Variants in MAST4 observed in about 807,000 individuals in gnomAD.
MAST4 encodes microtubule associated serine/threonine kinase family member 4.
A neutral mutation model predicts 162.7 loss-of-function variants in MAST4; 89 were observed. That is an observed-to-expected ratio of 0.55 (90% CI 0.46 to 0.65). The LOEUF (loss-of-function observed/expected upper bound fraction) is 0.65. MAST4 is among the 30% of genes least tolerant of loss of function. The pLI is 0.00. For missense variants in MAST4, 3,153 were observed against 3,374.0 expected, an observed-to-expected ratio of 0.93 and a Z score of 1.62; for synonymous variants, 1,479 against 1,361.1, an observed-to-expected ratio of 1.09 and a Z score of -1.91.
chr5:67,078,886 T>TTTA (rs1561621642), intron 5 of MAST4, among the ~76,000 whole-genome samples: 7 of 76,426 alleles, frequency 9.2e-5, no homozygotes, highest in African/African-American at 4.0e-4. Flanking sequence ...ATAAATATAT[T>TTTA]TATATATTTA....
intron 14 of MAST4, among the ~76,000 whole-genome samples, chr5:67,123,903 C>T (rs1012971286): frequency 6.6e-6 from 1 of 151,902 alleles, no homozygotes; most frequent in Non-Finnish European, 1.5e-5. Context: ...GCCCTGTCTC[C>T]CACATGCTAT....
intron 12 of MAST4, 79 bp downstream of exon 12, chr5:67,114,298 T>G (rs1310965913): frequency 6.7e-7 from 1 of 1,496,158 alleles, no homozygotes; most frequent in Non-Finnish European, 9.0e-7. Flanking sequence ...TGGCAAGTCT[T>G]TATTTTTCCT....
At chr5:66,814,755 A>G (rs1756642005) in intron 3 of MAST4, among the ~76,000 whole-genome samples, 1 of 152,180 alleles carries the variant, frequency 6.6e-6, no homozygotes, top group Non-Finnish European at 1.5e-5. Context: ...AAAACATTCT[A>G]ATTCTCTCAT....
intron 1 of MAST4, among the ~76,000 whole-genome samples, chr5:66,611,823 AG>A (rs1280325581): frequency 3.9e-5 from 6 of 152,200 alleles, no homozygotes; most frequent in Non-Finnish European, 8.8e-5. Context: ...GGACATCTGA[AG>A]GTGTATATTT....
chr5:67,027,650 A>G (rs1021676656), intron 4 of MAST4, among the ~76,000 whole-genome samples: 2 of 152,210 alleles, frequency 1.3e-5, no homozygotes, highest in African/African-American at 4.8e-5. Context: ...TTTTCACCAT[A>G]AGGGTTTTCA....
At chr5:66,878,976 C>T (rs1761491198) in intron 3 of MAST4, among the ~76,000 whole-genome samples, 1 of 152,192 alleles carries the variant, frequency 6.6e-6, no homozygotes, top group Non-Finnish European at 1.5e-5. Flanking sequence ...TTCTCAACTA[C>T]CCTTATAAGA....
rs556789956 is a variant in MAST4 at position 67,014,807 on chromosome 5, T to A, written c.675-39597T>A. Among the ~76,000 whole-genome samples, 6 of 152,346 alleles carry A rather than the reference T, an allele frequency of 3.9e-5. No homozygotes were observed. In the East Asian group the frequency reaches 1.2e-3, roughly 29 times the overall value. On this transcript the variant is annotated intron_variant, in intron 4 of 28. Transcript: ENST00000403625. ...CATTTTAGCAGGTAGACTTCATTTT[T>A]CTATAACATTGTGATTATGTATTAT...
At chr5:66,613,337 G>A (rs542013701) in intron 1 of MAST4, among the ~76,000 whole-genome samples, 1 of 101,124 alleles carries the variant, frequency 9.9e-6, no homozygotes, top group South Asian at 3.2e-4. Context: ...TTTTTTTTTT[G>A]TAATATCTCT....
At chr5:67,129,830 A>G (rs1274574200) in intron 14 of MAST4, among the ~76,000 whole-genome samples, 1 of 152,120 alleles carries the variant, frequency 6.6e-6, no homozygotes, top group Non-Finnish European at 1.5e-5. Flanking sequence ...AGCTTGTTAT[A>G]TGTGTGTAAC....
chr5:67,074,125 A>G (rs1317467737), intron 5 of MAST4, among the ~76,000 whole-genome samples: 1 of 150,332 alleles, frequency 6.7e-6, no homozygotes, highest in Non-Finnish European at 1.5e-5. Context: ...TGAAAATACT[A>G]CCCCCTAAAT....
intron 4 of MAST4, among the ~76,000 whole-genome samples, chr5:66,955,467 CT>C (rs1745201407): frequency 6.6e-6 from 1 of 151,986 alleles, no homozygotes; most frequent in African/African-American, 2.4e-5. Flanking sequence ...CCATATGGAG[CT>C]TTAGAGGCCT....
intron 14 of MAST4, among the ~76,000 whole-genome samples, chr5:67,128,013 C>A (rs1019493182): frequency 6.6e-6 from 1 of 152,038 alleles, no homozygotes; most frequent in Non-Finnish European, 1.5e-5. Flanking sequence ...GAAACAAGAA[C>A]TTGAAGCAAT....
intron 1 of MAST4, among the ~76,000 whole-genome samples, chr5:66,670,009 G>A (rs530165059): frequency 5.3e-5 from 8 of 152,348 alleles, no homozygotes; most frequent in African/African-American, 1.7e-4. Flanking sequence ...GGGAAGCCAG[G>A]TGACTGCTGG....
intron 4 of MAST4, among the ~76,000 whole-genome samples, chr5:66,996,317 C>A (rs567149938): frequency 1.3e-5 from 2 of 151,922 alleles, no homozygotes; most frequent in African/African-American, 4.8e-5. Context: ...TGATTTCCAT[C>A]GTTTTTATTC....
intron 24 of MAST4, among the ~76,000 whole-genome samples, chr5:67,151,209 T>G (rs1771764942): frequency 1.3e-5 from 2 of 152,218 alleles, no homozygotes; most frequent in African/African-American, 4.8e-5. Flanking sequence ...AACAAAATAC[T>G]TTAGACTGGG....
At chr5:66,887,475 T>C (rs532065185) in intron 3 of MAST4, among the ~76,000 whole-genome samples, 1 of 152,334 alleles carries the variant, frequency 6.6e-6, no homozygotes, top group East Asian at 1.9e-4. Flanking sequence ...GTAGGTTAAA[T>C]AAATAGAGAT....
chr5:66,614,535 TTGA>T (rs1011647722), intron 1 of MAST4, among the ~76,000 whole-genome samples: 1 of 152,320 alleles, frequency 6.6e-6, no homozygotes, highest in African/African-American at 2.4e-5. Flanking sequence ...TCGTTGAGTC[TTGA>T]TGAGGGCCAT....
intron 14 of MAST4, among the ~76,000 whole-genome samples, chr5:67,128,740 C>G (rs1768558425): frequency 6.6e-6 from 1 of 152,128 alleles, no homozygotes; most frequent in South Asian, 2.1e-4. Context: ...GGCCCCCTTG[C>G]AGTCATTGTT....
At chr5:66,980,391 A>G (rs1748647724) in intron 4 of MAST4, among the ~76,000 whole-genome samples, 1 of 152,224 alleles carries the variant, frequency 6.6e-6, no homozygotes, top group Admixed American at 6.5e-5. Context: ...ACTCTAAGAT[A>G]CTTTTATGTG....
Sources: allele counts gnomAD v4.1 joint callset (sites outside exome capture counted in the v4.1 genomes callset), GRCh38; gene constraint gnomAD v4.1.1; transcripts MANE v1.5; gene names NCBI Gene and HGNC (gene_info 2026-07-23, HGNC 2026-07-21).